NCK1: variants seen among roughly 807,000 people sequenced by gnomAD.
NCK1 encodes the protein SH2/SH3 adapter protein NCK1.
Under a neutral mutation model 36.6 loss-of-function variants are expected in NCK1, and 19 were observed. The observed-to-expected ratio is 0.52, with a 90% CI of 0.36 to 0.76. The LOEUF is 0.76. Among genes scored for constraint, NCK1 ranks in the 30% least tolerant of loss-of-function variants. The probability of loss-of-function intolerance (pLI) is 0.00; values close to 1 mark genes in which losing one functional copy is unlikely to be tolerated. For synonymous variants in NCK1, 165 were observed against 156.0 expected (o/e 1.06, Z -0.43); for missense variants, 358 against 445.6 (o/e 0.80, Z 1.77).
At chr3:136,863,117 G>A (rs1938295339) in intron 1 of NCK1, among the ~76,000 whole-genome samples, 1 of 152,146 alleles carries the variant, frequency 6.6e-6, no homozygotes, top group Admixed American at 6.5e-5. Flanking sequence ...CGCTCTCGGT[G>A]TCAAACTGAT....
Position 136,911,206 on chromosome 3 carries a change from A to G in NCK1, c.-18-16778A>G, listed in dbSNP as rs552223877. 1.5e-4 allele frequency among the ~76,000 whole-genome samples: 23 copies of G among 152,338 alleles called. No homozygotes were observed. In the South Asian group the frequency reaches 2.9e-3, roughly 19 times the overall value. On this transcript the variant is annotated intron_variant, in intron 1 of 3. Coordinates refer to ENST00000481752, the MANE Select transcript of NCK1 (RefSeq NM_001291999.2). ...CCTGGCTATTGTGAATAATGCTGCA[A>G]TGAACATGGGAATATAGATGTCCCT... is the stretch of plus-strand genomic sequence containing the variant.
chr3:136,868,012 G>A (rs1355411124), intron 1 of NCK1, among the ~76,000 whole-genome samples: 3 of 151,918 alleles, frequency 2.0e-5, no homozygotes, highest in African/African-American at 7.3e-5. Flanking sequence ...CCGCCTCTCG[G>A]GTTCAAGCAA....
chr3:136,899,840 CTGG>C (rs1231460410), intron 1 of NCK1: 3 of 1,468,364 alleles, frequency 2.0e-6, no homozygotes, highest in Non-Finnish European at 2.9e-6. Flanking sequence ...CTAAGTCTCT[CTGG>C]TAGAGCTTAT....
At position 136,892,809 on chromosome 3, in the gene NCK1, C is replaced by T. The variant is rs549424627; in HGVS notation, c.-19+30456C>T. Among the ~76,000 whole-genome samples the T allele has an allele frequency of 2.0e-5, 3 of 152,198 alleles. No homozygotes were observed. The East Asian group carries it at 5.8e-4, about 29-fold the overall frequency. On this transcript the variant is annotated intron_variant, in intron 1 of 3. Coordinates refer to ENST00000481752, the MANE Select transcript of NCK1 (RefSeq NM_001291999.2). The stretch of plus-strand genomic sequence containing the variant: ...GAGAGCATGAAGATTATACATGAGA[C>T]TTTTAAAATACTTTATTTCAGTAGG...
At chr3:136,928,269 A>G in intron 2 of NCK1, 42 bp downstream of exon 2, 1 of 1,524,694 alleles carries the variant, frequency 6.6e-7, no homozygotes, top group Non-Finnish European at 8.9e-7. Context: ...GTTTTAAATG[A>G]AACCTGCAAC....
At chr3:136,937,092 T>C (rs578002983) in intron 2 of NCK1, among the ~76,000 whole-genome samples, 12 of 152,358 alleles carry the variant, frequency 7.9e-5, no homozygotes, top group African/African-American at 2.9e-4. Context: ...CTAAGAGTTT[T>C]ATAGTTTTAG....
intron 1 of NCK1, among the ~76,000 whole-genome samples, chr3:136,875,071 G>C (rs1217233106): frequency 6.6e-6 from 1 of 152,112 alleles, no homozygotes; most frequent in Non-Finnish European, 1.5e-5. Flanking sequence ...TGTACCTTCT[G>C]AATCTGTAAA....
rs1940963801 is a variant in NCK1, at chr3:136,951,246, C to T, written c.*2793C>T. 1.3e-5 allele frequency among the ~76,000 whole-genome samples: 2 copies of T among 152,168 alleles called. No homozygotes were observed. The highest frequency in any genetic ancestry group is 6.5e-5 in the Admixed American group (1 of 15,280). On this transcript the variant is annotated 3_prime_UTR_variant, in exon 4 of 4. Coordinates refer to ENST00000481752, the MANE Select transcript of NCK1 (RefSeq NM_001291999.2). ...CAGAGTTGTCACAGTCTCTGTAGCACGTTTGTGAGAATTCTCTAGGCAGGC... is the reference window on the plus strand; with the variant it reads ...CAGAGTTGTCACAGTCTCTGTAGCATGTTTGTGAGAATTCTCTAGGCAGGC...
At chr3:136,866,493 G>C (rs1423417359) in intron 1 of NCK1, among the ~76,000 whole-genome samples, 1 of 151,730 alleles carries the variant, frequency 6.6e-6, no homozygotes, top group Non-Finnish European at 1.5e-5. Flanking sequence ...TTTTAGTAGA[G>C]ACGGGGTTTC....
chr3:136,923,020 C>G (rs763734085), intron 1 of NCK1, among the ~76,000 whole-genome samples: 1 of 152,098 alleles, frequency 6.6e-6, no homozygotes, highest in African/African-American at 2.4e-5. Context: ...AAGGAAGTCT[C>G]ATGTGCTGCT....
At chr3:136,901,710 T>C (rs1302399356) in intron 1 of NCK1, among the ~76,000 whole-genome samples, 1 of 152,184 alleles carries the variant, frequency 6.6e-6, no homozygotes, top group East Asian at 1.9e-4. Context: ...TTTGTATTTC[T>C]GTGGAATTAG....
chr3:136,937,567 C>A (rs571510532), intron 2 of NCK1, among the ~76,000 whole-genome samples: 1 of 152,266 alleles, frequency 6.6e-6, no homozygotes, highest in South Asian at 2.1e-4. Context: ...GATACTGTTG[C>A]CATCTTACAC....
chr3:136,865,189 C>A (rs1235861358), intron 1 of NCK1, among the ~76,000 whole-genome samples: 2 of 152,120 alleles, frequency 1.3e-5, no homozygotes, highest in Non-Finnish European at 2.9e-5. Context: ...AACTCCTGAC[C>A]TCGTGATCCA....
intron 1 of NCK1, among the ~76,000 whole-genome samples, chr3:136,902,198 T>TTTTTTTTTTTTTTTTTTTTTTG (rs1939561830): frequency 4.6e-5 from 6 of 131,530 alleles, no homozygotes; most frequent in African/African-American, 8.2e-5. Flanking sequence ...TTTTTTTTTT[T>TTTTTTTTTTTTTTTTTTTTTTG]TTTTGTTTTT....
intron 1 of NCK1, chr3:136,900,062 C>T: frequency 1.8e-6 from 1 of 549,774 alleles, no homozygotes; most frequent in Non-Finnish European, 3.4e-6. Flanking sequence ...TCTTACATCT[C>T]ACAGGCTGCA....
intron 1 of NCK1, among the ~76,000 whole-genome samples, chr3:136,888,526 C>T (rs747573950): frequency 7.2e-5 from 11 of 152,154 alleles, no homozygotes; most frequent in East Asian, 1.9e-4. Context: ...CCTCAGCCTC[C>T]GCAGTAGCTG....
chr3:136,866,738 C>T (rs1318309820), intron 1 of NCK1, among the ~76,000 whole-genome samples: 9 of 151,836 alleles, frequency 5.9e-5, no homozygotes, highest in South Asian at 2.1e-4. Flanking sequence ...GTCAGTCTTC[C>T]GAGTAGCTAG....
At chr3:136,946,917 G>A (rs941788348) in intron 3 of NCK1, 2 of 152,078 alleles carry the variant, frequency 1.3e-5, no homozygotes, top group African/African-American at 4.8e-5. Context: ...ATGGTTTCAT[G>A]GTCTCTTTTA....
intron 1 of NCK1, among the ~76,000 whole-genome samples, chr3:136,875,026 T>TA (rs1938727027): frequency 6.6e-6 from 1 of 152,358 alleles, no homozygotes; most frequent in African/African-American, 2.4e-5. Context: ...AGCTTGGTGT[T>TA]ACGTCTATTT....
Sources: gnomAD v4.1 joint callset for allele counts (sites outside exome capture counted in the v4.1 genomes callset) on GRCh38, gnomAD v4.1.1 for gene constraint, MANE v1.5 for transcripts, NCBI Gene and HGNC (gene_info 2026-07-23, HGNC 2026-07-21) for gene names.